Variants in GRB2 observed in about 807,000 individuals in gnomAD.
GRB2 encodes growth factor receptor bound protein 2, also known as growth factor receptor-bound protein 2.
GRB2 carries 2 observed loss-of-function variants against 27.4 expected under a neutral mutation model. That is an observed-to-expected ratio of 0.07 (90% CI 0.03 to 0.23). The LOEUF is 0.23. Among genes scored for constraint, GRB2 ranks in the 10% least tolerant of loss-of-function variants. The pLI is 1.00. For synonymous variants in GRB2, 94 were observed against 99.6 expected, an observed-to-expected ratio of 0.94 and a Z score of 0.33; for missense variants, 102 against 282.4, an observed-to-expected ratio of 0.36 and a Z score of 4.58.
At chr17:75,324,612 GA>G (rs1474677897) in intron 4 of GRB2, among the ~76,000 whole-genome samples, 15 of 145,692 alleles carry the variant, frequency 1.0e-4, no homozygotes, top group African/African-American at 3.8e-4. Context: ...CCGCCTCCTG[GA>G]TTCAAATGAT....
chr17:75,385,029 CAAAAAAAAAAA>C (rs58860615), intron 2 of GRB2, among the ~76,000 whole-genome samples: 21 of 55,326 alleles, frequency 3.8e-4, no homozygotes, highest in African/African-American at 1.6e-3. Context: ...CTGGCTCTAC[CAAAAAAAAAAA>C]AAAAAAAAAA....
rs537718802 is a variant in GRB2, at chr17:75,403,916, C to A, written c.-138+1573G>T. 3.9e-5 allele frequency among the ~76,000 whole-genome samples: 6 copies of A among 152,312 alleles called. No homozygotes were observed. In the East Asian group the frequency reaches 9.6e-4, roughly 24 times the overall value. On this transcript the variant is annotated intron_variant, in intron 1 of 5. Coordinates refer to ENST00000316804, the MANE Select transcript of GRB2 (RefSeq NM_002086.5). ...ATTACCTGAGGTCAAGAGTTCAAGA[C>A]CAACCTGGGCAACACAGTGAAACCC...
At chr17:75,382,177 C>T (rs528820528) in intron 2 of GRB2, among the ~76,000 whole-genome samples, 1 of 151,444 alleles carries the variant, frequency 6.6e-6, no homozygotes, top group Admixed American at 6.6e-5. Context: ...GAGCCGAGAT[C>T]GCGCCACTGT....
chr17:75,383,881 C>G (rs1017076902), intron 2 of GRB2, among the ~76,000 whole-genome samples: 1 of 151,976 alleles, frequency 6.6e-6, no homozygotes, highest in Non-Finnish European at 1.5e-5. Flanking sequence ...CAAAAAACAC[C>G]AACATATTGG....
At chr17:75,327,073 C>CTT (rs66526663) in intron 3 of GRB2, among the ~76,000 whole-genome samples, 3,061 of 135,744 alleles carry the variant, frequency 0.023, 89 homozygotes, top group East Asian at 0.044. Flanking sequence ...CATATCTTTT[C>CTT]TTTTTTTTTT....
intron 2 of GRB2, 21 bp from the exon 3 acceptor site, chr17:75,332,818 A>C: frequency 7.1e-7 from 1 of 1,410,100 alleles, no homozygotes; most frequent in Non-Finnish European, 1.0e-6. Context: ...ATAAGACAAC[A>C]AAAAAACCCA....
intron 2 of GRB2, among the ~76,000 whole-genome samples, chr17:75,362,451 A>G (rs2078789545): frequency 6.6e-6 from 1 of 152,232 alleles, no homozygotes; most frequent in South Asian, 2.1e-4. Context: ...TCACTCCACC[A>G]AATCACTCAG....
At chr17:75,329,701 CGGGCAACACAGTGA>C (rs889898371) in intron 3 of GRB2, among the ~76,000 whole-genome samples, 2 of 151,826 alleles carry the variant, frequency 1.3e-5, no homozygotes, top group African/African-American at 4.8e-5. Flanking sequence ...AAGACCAGCC[CGGGCAACACAGTGA>C]GACCCTGTCT....
chr17:75,325,808 T>C, intron 4 of GRB2, 90 bp downstream of exon 4: 1 of 1,323,470 alleles, frequency 7.6e-7, no homozygotes, highest in Non-Finnish European at 1.1e-6. Flanking sequence ...CCTCCACCAT[T>C]TTGTGTGTAG....
rs150605088 is a variant in GRB2, at chr17:75,328,554, C to T, written c.177-2534G>A. On this transcript the variant is annotated intron_variant, in intron 3 of 5. Transcript: ENST00000316804. ...ACTCGGGAGGCTGAGGCAGGAGAATCGCTTGAATCTCCGGGAGGCAGAGGT... is the reference window on the plus strand; with the variant it reads ...ACTCGGGAGGCTGAGGCAGGAGAATTGCTTGAATCTCCGGGAGGCAGAGGT... 8.8e-3 allele frequency among the ~76,000 whole-genome samples: 1,332 copies of T among 150,642 alleles called. 19 individuals carry two copies. The highest frequency in any genetic ancestry group is 0.031 in the African/African-American group (1,253 of 40,782).
intron 2 of GRB2, among the ~76,000 whole-genome samples, chr17:75,385,866 C>T (rs954843490): frequency 6.6e-6 from 1 of 152,206 alleles, no homozygotes; most frequent in Non-Finnish European, 1.5e-5. Context: ...AACGTTAACA[C>T]CTTCATTGCC....
intron 3 of GRB2, among the ~76,000 whole-genome samples, chr17:75,326,558 A>G (rs372676054): frequency 6.6e-5 from 10 of 152,248 alleles, no homozygotes; most frequent in African/African-American, 2.4e-4. Context: ...GGGTGCCTCT[A>G]CCAGTAACTA....
At chr17:75,379,928 T>TG in intron 2 of GRB2, among the ~76,000 whole-genome samples, 1 of 152,212 alleles carries the variant, frequency 6.6e-6, no homozygotes, top group Non-Finnish European at 1.5e-5. Flanking sequence ...GAGACTGACC[T>TG]AAGTCAAAAG....
intron 2 of GRB2, among the ~76,000 whole-genome samples, chr17:75,375,346 G>T (rs1281611269): frequency 1.3e-5 from 2 of 150,914 alleles, no homozygotes; most frequent in Admixed American, 6.6e-5. Context: ...GAATTATGAT[G>T]AATTTCATGG....
At chr17:75,346,323 G>A (rs1280950217) in intron 2 of GRB2, among the ~76,000 whole-genome samples, 7 of 151,970 alleles carry the variant, frequency 4.6e-5, no homozygotes, top group Admixed American at 2.6e-4. Flanking sequence ...GTAAAACCCT[G>A]TCTCTACTAC....
At chr17:75,334,922 C>T (rs1366254663) in intron 2 of GRB2, among the ~76,000 whole-genome samples, 1 of 150,704 alleles carries the variant, frequency 6.6e-6, no homozygotes, top group Non-Finnish European at 1.5e-5. Flanking sequence ...GACACCATCA[C>T]GGCTCATGGC....
chr17:75,364,427 G>A (rs940284223), intron 2 of GRB2, among the ~76,000 whole-genome samples: 3 of 152,074 alleles, frequency 2.0e-5, no homozygotes, highest in African/African-American at 7.2e-5. Context: ...AGGTGTATAG[G>A]TACTATAACC....
chr17:75,400,292 G>A (rs2079055895), intron 1 of GRB2, among the ~76,000 whole-genome samples: 1 of 152,178 alleles, frequency 6.6e-6, no homozygotes, highest in African/African-American at 2.4e-5. Flanking sequence ...CCCTGCCTCA[G>A]CCTCCCAAGT....
intron 2 of GRB2, among the ~76,000 whole-genome samples, chr17:75,343,934 T>C (rs2078638498): frequency 1.3e-5 from 2 of 152,124 alleles, no homozygotes; most frequent in South Asian, 4.1e-4. Flanking sequence ...TATGATGACC[T>C]GTACTAGACA....
Sources: allele counts gnomAD v4.1 joint callset (sites outside exome capture counted in the v4.1 genomes callset), GRCh38; gene constraint gnomAD v4.1.1; transcripts MANE v1.5; gene names NCBI Gene and HGNC (gene_info 2026-07-23, HGNC 2026-07-21).